Variants in NRXN3 observed in about 807,000 individuals in gnomAD.
The protein encoded by NRXN3 is neurexin III.
Under a neutral mutation model 137.6 loss-of-function variants are expected in NRXN3, and 32 were observed. The observed-to-expected ratio is 0.23, with a 90% confidence interval of 0.18 to 0.31. The LOEUF is 0.31. Ranked by LOEUF, NRXN3 falls within the 10% of genes least tolerant of loss-of-function variation. NRXN3 has a pLI of 1.00. For missense variants in NRXN3, 1,574 were observed against 2,062.5 expected (o/e 0.76, Z 4.59); for synonymous variants, 798 against 784.5 (o/e 1.02, Z -0.29).
At chr14:78,615,446 A>AAC (rs1207386687) in intron 4 of NRXN3, among the ~76,000 whole-genome samples, 1 of 145,030 alleles carries the variant, frequency 6.9e-6, no homozygotes, top group East Asian at 2.0e-4. Context: ...TGAAAATACA[A>AAC]AAAAAAAAAA....
intron 4 of NRXN3, among the ~76,000 whole-genome samples, chr14:78,331,218 C>T (rs1278278068): frequency 6.6e-6 from 1 of 152,148 alleles, no homozygotes; most frequent in Non-Finnish European, 1.5e-5. Flanking sequence ...AAATCTTAAA[C>T]CTTCACTAAA....
intron 10 of NRXN3, among the ~76,000 whole-genome samples, chr14:78,943,652 A>G (rs1597707137): frequency 1.3e-5 from 1 of 75,264 alleles, no homozygotes; most frequent in Non-Finnish European, 2.4e-5. Flanking sequence ...ATATATATAT[A>G]TATATATATA....
At chr14:79,002,538 G>A (rs1308192311) in intron 15 of NRXN3, among the ~76,000 whole-genome samples, 1 of 152,134 alleles carries the variant, frequency 6.6e-6, no homozygotes, top group Non-Finnish European at 1.5e-5. Flanking sequence ...TCCCTGCAAA[G>A]GACATGATCT....
At chr14:79,021,965 T>C (rs1161621015) in intron 15 of NRXN3, among the ~76,000 whole-genome samples, 2 of 152,222 alleles carry the variant, frequency 1.3e-5, no homozygotes, top group Non-Finnish European at 2.9e-5. Context: ...ATCCCAGTGG[T>C]GGTGCATGAC....
intron 16 of NRXN3, among the ~76,000 whole-genome samples, chr14:79,652,155 A>C (rs145303640): frequency 2.9e-4 from 44 of 152,268 alleles, no homozygotes; most frequent in Admixed American, 4.6e-4. Context: ...TGTAAGTTTT[A>C]AGGTTTTATT....
At chr14:79,810,701 AATCTTT>A (rs2099229194) in intron 20 of NRXN3, among the ~76,000 whole-genome samples, 1 of 152,180 alleles carries the variant, frequency 6.6e-6, no homozygotes, top group Admixed American at 6.5e-5. Flanking sequence ...CTGGATTCTT[AATCTTT>A]ATCAGTCTGA....
At chr14:79,751,966 C>T (rs1267328983) in intron 19 of NRXN3, among the ~76,000 whole-genome samples, 6 of 152,094 alleles carry the variant, frequency 3.9e-5, no homozygotes, top group Non-Finnish European at 5.9e-5. Context: ...CTGCTGGATT[C>T]GGTTTGCCAG....
intron 4 of NRXN3, among the ~76,000 whole-genome samples, chr14:78,474,522 G>A (rs1245076969): frequency 4.2e-4 from 11 of 26,314 alleles, no homozygotes; most frequent in Admixed American, 1.5e-3. Flanking sequence ...GTTATGTGGG[G>A]TGAGAATTAT....
intron 20 of NRXN3, among the ~76,000 whole-genome samples, chr14:79,835,486 T>G (rs2099338294): frequency 1.3e-5 from 2 of 152,192 alleles, no homozygotes; most frequent in African/African-American, 2.4e-5. Flanking sequence ...TTCTTTAACT[T>G]TGAAATAATT....
chr14:79,589,983 T>A (rs1404890280), intron 16 of NRXN3, among the ~76,000 whole-genome samples: 2 of 152,230 alleles, frequency 1.3e-5, no homozygotes, highest in Non-Finnish European at 2.9e-5. Context: ...TAATAGCTTT[T>A]ATTCACCAAA....
At chr14:79,473,831 G>T (rs2096536109) in intron 16 of NRXN3, among the ~76,000 whole-genome samples, 1 of 152,134 alleles carries the variant, frequency 6.6e-6, no homozygotes, top group Non-Finnish European at 1.5e-5. Context: ...GAGAGGACCT[G>T]CTGGGCATTG....
intron 6 of NRXN3, among the ~76,000 whole-genome samples, chr14:78,671,756 C>T (rs982069909): frequency 6.6e-6 from 1 of 152,126 alleles, no homozygotes; most frequent in African/African-American, 2.4e-5. Flanking sequence ...GTTTGATTGG[C>T]TCACCATCTA....
At chr14:78,783,423 G>A (rs1376137845) in intron 8 of NRXN3, among the ~76,000 whole-genome samples, 1 of 152,118 alleles carries the variant, frequency 6.6e-6, no homozygotes, top group Non-Finnish European at 1.5e-5. Flanking sequence ...AAGGGAGCAT[G>A]GCAAAATAAT....
At chr14:79,378,535 G>T (rs768831045) in intron 15 of NRXN3, among the ~76,000 whole-genome samples, 6 of 152,146 alleles carry the variant, frequency 3.9e-5, no homozygotes, top group Admixed American at 2.6e-4. Flanking sequence ...TAGAAGAGTC[G>T]GAAGTACAGA....
intron 16 of NRXN3, among the ~76,000 whole-genome samples, chr14:79,498,252 A>G (rs570080434): frequency 6.6e-6 from 1 of 152,318 alleles, no homozygotes; most frequent in East Asian, 1.9e-4. Context: ...CCTGGGAACT[A>G]TTAACTTCTG....
chr14:78,228,894 G>A (rs1281953856), intron 1 of NRXN3, among the ~76,000 whole-genome samples: 1 of 152,178 alleles, frequency 6.6e-6, no homozygotes, highest in Non-Finnish European at 1.5e-5. Flanking sequence ...CCCCAAATGA[G>A]TATTTACTGA....
chr14:78,248,084 C>G (rs929667811), intron 2 of NRXN3, among the ~76,000 whole-genome samples: 1 of 152,194 alleles, frequency 6.6e-6, no homozygotes, highest in African/African-American at 2.4e-5. Context: ...TTCTAGTCTA[C>G]TGACAAAGAA....
At chr14:79,800,001 C>G (rs1170606964) in intron 19 of NRXN3, among the ~76,000 whole-genome samples, 1 of 152,126 alleles carries the variant, frequency 6.6e-6, no homozygotes, top group African/African-American at 2.4e-5. Context: ...ACATATACCA[C>G]TGACAGTAAA....
intron 4 of NRXN3, among the ~76,000 whole-genome samples, chr14:78,547,144 A>T (rs1600257116): frequency 1.3e-5 from 2 of 151,934 alleles, no homozygotes; most frequent in Middle Eastern, 3.4e-3. Context: ...TGTTGAGTTG[A>T]TGATCATGGT....
Sources: allele counts gnomAD v4.1 joint callset (sites outside exome capture counted in the v4.1 genomes callset), GRCh38; gene constraint gnomAD v4.1.1; transcripts MANE v1.5; gene names NCBI Gene and HGNC (gene_info 2026-07-23, HGNC 2026-07-21).